The following IQCM variants were observed in gnomAD, a reference collection of about 807,000 sequenced individuals.
The protein encoded by IQCM is IQ domain-containing protein M.
IQCM carries 45 observed loss-of-function variants against 57.6 expected under a neutral mutation model. The observed-to-expected ratio is 0.78, with a 90% CI of 0.62 to 1.00. IQCM has a LOEUF of 1.00. Among genes scored for constraint, IQCM ranks in the 50% least tolerant of loss-of-function variants. IQCM has a pLI of 0.00. For synonymous variants in IQCM, 148 were observed against 158.9 expected, an observed-to-expected ratio of 0.93 and a Z score of 0.51; for missense variants, 468 against 511.6, an observed-to-expected ratio of 0.91 and a Z score of 0.82.
At chr4:149,589,492 G>C (rs1308907827) in intron 8 of IQCM, among the ~76,000 whole-genome samples, 1 of 151,938 alleles carries the variant, frequency 6.6e-6, no homozygotes, top group Non-Finnish European at 1.5e-5. Flanking sequence ...ACTCAGCATT[G>C]ACATACACTG....
At chr4:149,776,046 T>G (rs558920546) in intron 2 of IQCM, among the ~76,000 whole-genome samples, 1 of 152,282 alleles carries the variant, frequency 6.6e-6, no homozygotes, top group South Asian at 2.1e-4. Flanking sequence ...TTTGAGAGGA[T>G]CTTTTGAACA....
Position 149,742,723 on chromosome 4 carries a change from AGT to A in IQCM, c.-34_-33del. ...CAGTTAGAATGATCTTCTTTTTTAAAGTGTGAGCTCCAAGTCCTTAAACACAG... is the reference window on the plus strand; with the variant it reads ...CAGTTAGAATGATCTTCTTTTTTAAAGTGAGCTCCAAGTCCTTAAACACAG... On this transcript the variant is annotated 5_prime_UTR_variant, in exon 3 of 14. It removes the in-frame stop codon of an upstream open reading frame in the 5' UTR. Coordinates refer to ENST00000636793, the MANE Select transcript of IQCM (RefSeq NM_001363507.2). 2 of 1,226,582 alleles carry A rather than the reference AGT, an allele frequency of 1.6e-6. No individual in the cohort carries two copies. The highest frequency in any genetic ancestry group is 8.3e-5 in the South Asian group (2 of 24,238). The allele number at this position is 1,226,582 out of a possible 1,614,324, so 76.0% of individuals were successfully genotyped here.
chr4:149,799,871 A>C (rs1310516673), intron 2 of IQCM, among the ~76,000 whole-genome samples: 2 of 151,512 alleles, frequency 1.3e-5, no homozygotes, highest in South Asian at 2.1e-4. Flanking sequence ...AAACAAAAAA[A>C]CAAAAAAAAA....
intron 12 of IQCM, among the ~76,000 whole-genome samples, chr4:149,442,316 G>T (rs547418457): frequency 6.6e-6 from 1 of 151,896 alleles, no homozygotes; most frequent in Non-Finnish European, 1.5e-5. Flanking sequence ...GGATGGATTG[G>T]AATTTTCCAA....
intron 2 of IQCM, among the ~76,000 whole-genome samples, chr4:149,782,399 G>T (rs1771685947): frequency 6.6e-6 from 1 of 151,918 alleles, no homozygotes; most frequent in African/African-American, 2.4e-5. Flanking sequence ...AAGATGGTAA[G>T]AAAATATAAC....
intron 5 of IQCM, among the ~76,000 whole-genome samples, chr4:149,721,724 C>T (rs571929097): frequency 4.6e-5 from 7 of 152,178 alleles, no homozygotes; most frequent in Non-Finnish European, 8.8e-5. Flanking sequence ...TCCATATCTT[C>T]GCAATTGTGA....
rs149828976 is a variant in IQCM at position 149,494,712 on chromosome 4, C to T, written c.1228+53743G>A. Among the ~76,000 whole-genome samples the T allele has an allele frequency of 3.6e-3, 546 of 152,108 alleles. 5 individuals are homozygous for T. The highest frequency in any genetic ancestry group is 0.012 in the African/African-American group (510 of 41,516). ...AGAACAAATGCCAATGGAGGTGGAGCCCATGAGACAGGAGAGACTGCAACA... is the reference window on the plus strand; with the variant it reads ...AGAACAAATGCCAATGGAGGTGGAGTCCATGAGACAGGAGAGACTGCAACA... On this transcript the variant is annotated intron_variant, in intron 12 of 13. Transcript: ENST00000636793.
intron 5 of IQCM, among the ~76,000 whole-genome samples, chr4:149,720,134 A>C (rs1765326994): frequency 6.6e-6 from 1 of 152,244 alleles, no homozygotes; most frequent in Non-Finnish European, 1.5e-5. Flanking sequence ...AACATTGAAC[A>C]AACATGTTCT....
chr4:149,427,080 T>G (rs1734511980), intron 13 of IQCM, among the ~76,000 whole-genome samples: 1 of 151,926 alleles, frequency 6.6e-6, no homozygotes, highest in Admixed American at 6.6e-5. Context: ...TTTTAATTTC[T>G]AGATGTTCTT....
At chr4:149,644,486 T>C (rs1758472289) in intron 7 of IQCM, among the ~76,000 whole-genome samples, 1 of 152,248 alleles carries the variant, frequency 6.6e-6, no homozygotes, top group South Asian at 2.1e-4. Flanking sequence ...ATAAAACTGA[T>C]TCCTGTTGTT....
chr4:149,546,219 G>C (rs901697090), intron 12 of IQCM, among the ~76,000 whole-genome samples: 1 of 152,114 alleles, frequency 6.6e-6, no homozygotes, highest in African/African-American at 2.4e-5. Context: ...GTCTATCATT[G>C]ATGGACACTT....
chr4:149,752,231 A>C (rs1371225735), intron 2 of IQCM, among the ~76,000 whole-genome samples: 1 of 152,116 alleles, frequency 6.6e-6, no homozygotes, highest in Non-Finnish European at 1.5e-5. Flanking sequence ...AACTATTATC[A>C]AAGCACCTAT....
intron 2 of IQCM, among the ~76,000 whole-genome samples, chr4:149,764,348 A>C (rs1332728674): frequency 6.6e-6 from 1 of 152,186 alleles, no homozygotes; most frequent in Non-Finnish European, 1.5e-5. Context: ...GAAGAGACTG[A>C]CAAGTCCTCA....
At chr4:149,508,887 G>T (rs528388846) in intron 12 of IQCM, among the ~76,000 whole-genome samples, 1 of 152,122 alleles carries the variant, frequency 6.6e-6, no homozygotes, top group Non-Finnish European at 1.5e-5. Context: ...ATTGAATCGT[G>T]GGGGCAGGTC....
intron 2 of IQCM, among the ~76,000 whole-genome samples, chr4:149,812,085 T>C (rs1331287064): frequency 6.6e-6 from 1 of 152,178 alleles, no homozygotes; most frequent in Non-Finnish European, 1.5e-5. Context: ...CTTTTCCAGT[T>C]TTATAAGTGA....
At chr4:149,808,346 G>A (rs1459097766) in intron 2 of IQCM, among the ~76,000 whole-genome samples, 1 of 152,112 alleles carries the variant, frequency 6.6e-6, no homozygotes, top group Non-Finnish European at 1.5e-5. Flanking sequence ...ACTCATATGA[G>A]GGAGCTAAAA....
intron 13 of IQCM, among the ~76,000 whole-genome samples, chr4:149,403,121 T>G (rs182406216): frequency 1.3e-5 from 2 of 152,154 alleles, no homozygotes; most frequent in Admixed American, 1.3e-4. Context: ...ATATTTTGAT[T>G]ATCTTCAGTG....
intron 13 of IQCM, among the ~76,000 whole-genome samples, chr4:149,356,227 G>A (rs1728968039): frequency 6.6e-6 from 1 of 152,154 alleles, no homozygotes; most frequent in Admixed American, 6.5e-5. Context: ...TTCTTTTGCT[G>A]TACAGAAGCT....
intron 9 of IQCM, among the ~76,000 whole-genome samples, chr4:149,586,340 G>A (rs1752639253): frequency 6.6e-6 from 1 of 151,492 alleles, no homozygotes; most frequent in Non-Finnish European, 1.5e-5. Context: ...GTTTTGGTAT[G>A]CTATCTGTTT....
Sources: gnomAD v4.1 joint callset for allele counts (sites outside exome capture counted in the v4.1 genomes callset) on GRCh38, gnomAD v4.1.1 for gene constraint, MANE v1.5 for transcripts, NCBI Gene and HGNC (gene_info 2026-07-23, HGNC 2026-07-21) for gene names.